SPEF2: variants seen among roughly 807,000 people sequenced by gnomAD.
SPEF2 encodes the protein sperm flagella and cilia-associated protein 2.
In SPEF2, 187 loss-of-function variants were observed where a neutral mutation model predicts 224.6. The observed-to-expected ratio is 0.83, with a 90% confidence interval of 0.74 to 0.94. The LOEUF (loss-of-function observed/expected upper bound fraction) is 0.94. Among genes scored for constraint, SPEF2 ranks in the 40% least tolerant of loss-of-function variants. The pLI is 0.00. For missense variants in SPEF2, 2,170 were observed against 2,135.6 expected (o/e 1.02, Z -0.32); for synonymous variants, 715 against 707.3 (o/e 1.01, Z -0.17).
intron 19 of SPEF2, chr5:35,710,877 C>T: frequency 1.0e-5 from 10 of 985,100 alleles, no homozygotes; most frequent in Non-Finnish European, 1.2e-5. Flanking sequence ...CTTTTTTTCC[C>T]CACCAAGGTC....
chr5:35,784,256 T>C (rs1580722612), intron 30 of SPEF2, among the ~76,000 whole-genome samples: 1 of 151,544 alleles, frequency 6.6e-6, no homozygotes, highest in African/African-American at 2.4e-5. Flanking sequence ...GCCTCCGGAG[T>C]AGCTGGGACT....
chr5:35,745,848 C>T (rs1748439973), intron 23 of SPEF2, among the ~76,000 whole-genome samples: 1 of 152,238 alleles, frequency 6.6e-6, no homozygotes, highest in African/African-American at 2.4e-5. Flanking sequence ...GCACCACCTC[C>T]TGGCAGGATG....
At chr5:35,723,793 A>G (rs1580454623) in intron 20 of SPEF2, among the ~76,000 whole-genome samples, 2 of 152,202 alleles carry the variant, frequency 1.3e-5, no homozygotes, top group Non-Finnish European at 2.9e-5. Context: ...ATAGATTTTT[A>G]TCACCTGAGA....
At chr5:35,723,635 A>G (rs768611248) in intron 20 of SPEF2, among the ~76,000 whole-genome samples, 29 of 152,354 alleles carry the variant, frequency 1.9e-4, no homozygotes, top group Non-Finnish European at 3.1e-4. Flanking sequence ...TGAAATAGAA[A>G]TAAAAATCCA....
intron 20 of SPEF2, among the ~76,000 whole-genome samples, chr5:35,723,926 T>A (rs1190536504): frequency 6.6e-6 from 1 of 152,228 alleles, no homozygotes; most frequent in East Asian, 1.9e-4. Context: ...GCAATTAATT[T>A]ATGATTGATC....
At chr5:35,724,701 G>T (rs1461070387) in intron 20 of SPEF2, among the ~76,000 whole-genome samples, 2 of 152,116 alleles carry the variant, frequency 1.3e-5, no homozygotes, top group Non-Finnish European at 2.9e-5. Flanking sequence ...TCTGTGAAAT[G>T]GAGTAATAGG....
rs542115140 is a variant in SPEF2 at position 35,763,658 on chromosome 5, G to A, written c.3757G>A (p.Val1253Ile). 1 of 1,613,566 alleles carries A rather than the reference G, an allele frequency of 6.2e-7. No individual in the cohort carries two copies. The highest frequency in any genetic ancestry group is 1.7e-5 in the Admixed American group (1 of 59,898). ...ESNFEADEKL[V>I]MDTWQQASLA... ...CAACTTTGAGGCCGATGAAAAGTTG[G>A]TCATGGACACCTGGCAGCAGGCTTC... The change falls in exon 26 of 37, where the codon GTC becomes ATC. Residue 1253 changes from valine (V) to isoleucine (I), a missense_variant. Coordinates refer to ENST00000356031, the MANE Select transcript of SPEF2 (RefSeq NM_024867.4).
At chr5:35,680,912 T>A (rs966663485) in intron 10 of SPEF2, among the ~76,000 whole-genome samples, 1 of 152,160 alleles carries the variant, frequency 6.6e-6, no homozygotes, top group African/African-American at 2.4e-5. Context: ...TTCAATAACC[T>A]CTGAAGATAT....
intron 24 of SPEF2, among the ~76,000 whole-genome samples, chr5:35,755,856 C>A (rs140213821): frequency 6.6e-6 from 1 of 152,054 alleles, no homozygotes; most frequent in Non-Finnish European, 1.5e-5. Flanking sequence ...GTGATCCATC[C>A]GCCTCGGCCT....
chr5:35,794,220 T>G (rs2149837253), intron 32 of SPEF2, among the ~76,000 whole-genome samples: 1 of 152,346 alleles, frequency 6.6e-6, no homozygotes, highest in South Asian at 2.1e-4. Context: ...CTTACTTGAT[T>G]AATGTCATTA....
intron 15 of SPEF2, chr5:35,698,331 A>G (rs1432073954): frequency 6.6e-6 from 1 of 152,240 alleles, no homozygotes; most frequent in East Asian, 1.9e-4. Flanking sequence ...TCTAGAATGG[A>G]CTTCCCTTAG....
chr5:35,797,883 T>C (rs1463985475), intron 33 of SPEF2, among the ~76,000 whole-genome samples: 1 of 152,172 alleles, frequency 6.6e-6, no homozygotes, highest in Non-Finnish European at 1.5e-5. Context: ...CTTGCACAGA[T>C]CTGCACCTCC....
chr5:35,721,975 A>G (rs10058394), intron 20 of SPEF2, among the ~76,000 whole-genome samples: 6,008 of 152,236 alleles, frequency 0.039, 200 homozygotes, highest in African/African-American at 0.076. Flanking sequence ...AGCCCCACAA[A>G]TCCTTTTTCA....
intron 23 of SPEF2, among the ~76,000 whole-genome samples, chr5:35,745,919 T>G (rs1748454288): frequency 6.6e-6 from 1 of 152,130 alleles, no homozygotes; most frequent in Non-Finnish European, 1.5e-5. Flanking sequence ...TGGAGTCCAT[T>G]GCACTCCCTC....
intron 30 of SPEF2, among the ~76,000 whole-genome samples, chr5:35,785,502 A>T (rs1237469577): frequency 6.6e-6 from 1 of 151,768 alleles, no homozygotes; most frequent in Non-Finnish European, 1.5e-5. Context: ...AAATTTTTTT[A>T]ATTTTAATTT....
intron 20 of SPEF2, among the ~76,000 whole-genome samples, chr5:35,714,041 C>T (rs181634222): frequency 0.12 from 5 of 40 alleles, 2 homozygotes; most frequent in Non-Finnish European, 0.62. Context: ...ATTTTATATA[C>T]AGTATATATA....
chr5:35,710,868 T>C (rs918203770), intron 19 of SPEF2: 1 of 984,792 alleles, frequency 1.0e-6, no homozygotes, highest in Non-Finnish European at 1.2e-6. Flanking sequence ...TGTACTTGTC[T>C]TTTTTTCCCC....
intron 30 of SPEF2, chr5:35,781,507 C>G (rs115737882): frequency 2.8e-3 from 423 of 152,306 alleles, no homozygotes; most frequent in Admixed American, 4.6e-3. Flanking sequence ...GTTTAGGAGA[C>G]TGCTCTGCTT....
At chr5:35,716,998 A>T (rs1742699015) in intron 20 of SPEF2, among the ~76,000 whole-genome samples, 1 of 152,130 alleles carries the variant, frequency 6.6e-6, no homozygotes, top group Non-Finnish European at 1.5e-5. Context: ...GAGTGTTCTT[A>T]AAAAAGATTT....
Sources: allele counts gnomAD v4.1 joint callset (sites outside exome capture counted in the v4.1 genomes callset), GRCh38; gene constraint gnomAD v4.1.1; transcripts MANE v1.5; gene names NCBI Gene and HGNC (gene_info 2026-07-23, HGNC 2026-07-21).